The following CEP290 variants were observed in gnomAD, a reference collection of about 807,000 sequenced individuals.
CEP290 encodes the protein centrosomal protein 290.
In CEP290, 317 loss-of-function variants were observed where a neutral mutation model predicts 344.9. That is an observed-to-expected ratio of 0.92 (90% CI 0.84 to 1.01). CEP290 has a LOEUF of 1.01. CEP290 is among the 50% of genes least tolerant of loss of function. The pLI is 0.00. For missense variants in CEP290, 2,754 were observed against 2,761.4 expected (o/e 1.00, Z 0.06); for synonymous variants, 932 against 895.8 (o/e 1.04, Z -0.72).
chr12:88,106,594 G>A (rs1396938902), intron 25 of CEP290, 81 bp downstream of exon 25: 3 of 791,566 alleles, frequency 3.8e-6, no homozygotes, highest in Non-Finnish European at 5.9e-6. Context: ...TTCAGGTGAT[G>A]AGCATTATTG....
chr12:88,102,821 G>A lies in CEP290; in HGVS notation c.2991+17C>T, dbSNP rs551791639. 49 of 1,602,900 alleles carry A rather than the reference G, an allele frequency of 3.1e-5. No individual in the cohort carries two copies. The highest frequency in any genetic ancestry group is 4.0e-5 in the Non-Finnish European group (47 of 1,175,826). On this transcript the variant is annotated intron_variant, in intron 26 of 53. Coordinates refer to ENST00000552810, the MANE Select transcript of CEP290 (RefSeq NM_025114.4). Reference sequence around the variant, plus strand: ...AAATGGCTAATTTCACAAGGTTCAAGAATCACACAAACTTACCTCCAGGTG... The same window carrying A: ...AAATGGCTAATTTCACAAGGTTCAAAAATCACACAAACTTACCTCCAGGTG...
At position 88,124,554 on chromosome 12, in the gene CEP290, C is replaced by T. The variant is rs752005405; in HGVS notation, c.1189+692G>A. On this transcript the variant is annotated intron_variant, in intron 13 of 53. Transcript: ENST00000552810. Reference sequence around the variant, plus strand: ...ATACAAATATATATATATACACACACACATATGACATGTATATATATGTGT... The same window carrying T: ...ATACAAATATATATATATACACACATACATATGACATGTATATATATGTGT... 3.9e-5 allele frequency among the ~76,000 whole-genome samples: 6 copies of T among 152,054 alleles called. No individual in the cohort carries two copies. The Middle Eastern group carries it at 0.01, about 259-fold the overall frequency.
chr12:88,141,201 A>G lies in CEP290; in HGVS notation c.102+5T>C. On this transcript the variant is annotated splice_donor_5th_base_variant and intron_variant, in intron 2 of 53. Coordinates refer to ENST00000552810, the MANE Select transcript of CEP290 (RefSeq NM_025114.4). ...TATATCTATTATTATTGACCAATTAAGCACCTTGGATAAGGAAATCAATAA... is the reference window on the plus strand; with the variant it reads ...TATATCTATTATTATTGACCAATTAGGCACCTTGGATAAGGAAATCAATAA... 1 of 1,597,760 alleles carries G rather than the reference A, an allele frequency of 6.3e-7. No homozygotes were observed.
Position 88,087,867 on chromosome 12 carries a change from T to A in CEP290, c.4107A>T (p.Lys1369Asn). The A allele has an allele frequency of 8.0e-7, 1 of 1,254,260 alleles. No individual in the cohort carries two copies. Among genetic ancestry groups the A allele is most frequent in the Admixed American group, 4.0e-5 (1 of 25,088 alleles). The allele number at this position is 1,254,260 out of a possible 1,614,324, so 77.7% of individuals were successfully genotyped here. A position where few individuals can be genotyped will look rare whatever the true frequency, so the allele number is the denominator to read the frequency against. Residue 1369 changes from lysine (K) to asparagine (N), a missense_variant, in exon 32 of 54, where the codon AAA (lysine) becomes AAT (asparagine). Transcript: ENST00000552810. Reference protein sequence around the residue: ...LKLNRELVKDKEEIKYLNNII... With the variant: ...LKLNRELVKDNEEIKYLNNII... ...TGTTATTCAAATATTTTATTTCTTC[T>A]TTATCCTTGACTAATTCCCGATTTA...
intron 13 of CEP290, among the ~76,000 whole-genome samples, chr12:88,122,728 C>T (rs1289363682): frequency 6.6e-5 from 10 of 152,082 alleles, no homozygotes; most frequent in Admixed American, 6.6e-4. Flanking sequence ...TATTAGTCAT[C>T]CTTTTAAAGC....
At chr12:88,071,531 A>G in intron 42 of CEP290, 82 bp from the exon 43 acceptor site, 1 of 1,184,514 alleles carries the variant, frequency 8.4e-7, no homozygotes, top group South Asian at 1.5e-5. Flanking sequence ...AAACCAAATT[A>G]CAATAATTGT....
At chr12:88,097,454 A>C (rs1218475194) in intron 26 of CEP290, among the ~76,000 whole-genome samples, 1 of 151,950 alleles carries the variant, frequency 6.6e-6, no homozygotes, top group Non-Finnish European at 1.5e-5. Context: ...TTCTGCCATA[A>C]CTGTTAAGTT....
chr12:88,049,195 G>A lies in CEP290; in HGVS notation c.7429C>T (p.Pro2477Ser), dbSNP rs2033224845. 1 of 1,586,010 alleles carries A rather than the reference G, an allele frequency of 6.3e-7. No homozygotes were observed. The highest frequency in any genetic ancestry group is 1.2e-5 in the South Asian group (1 of 84,920). Residue 2477 changes from proline (P) to serine (S), a missense_variant, in exon 54 of 54, where the codon CCC (proline) becomes TCC (serine). Transcript: ENST00000552810. Reference protein sequence around the residue: ...EDEEESPVNFPIY With the variant: ...EDEEESPVNFSIY Reference sequence around the variant, plus strand: ...TTTATAGGTGACCTTTAGTAAATGGGGAAATTAACAGGACTTTCTTCTTCA... The same window carrying A: ...TTTATAGGTGACCTTTAGTAAATGGAGAAATTAACAGGACTTTCTTCTTCA...
chr12:88,073,961 C>T (rs1255300039), intron 41 of CEP290, among the ~76,000 whole-genome samples: 2 of 152,092 alleles, frequency 1.3e-5, no homozygotes, highest in Non-Finnish European at 2.9e-5. Flanking sequence ...TGTGGTGGCT[C>T]ATACCTGTAA....
chr12:88,132,099 C>T (rs982036629), intron 6 of CEP290, among the ~76,000 whole-genome samples: 1 of 152,144 alleles, frequency 6.6e-6, no homozygotes, highest in Non-Finnish European at 1.5e-5. Flanking sequence ...GAAAAATGAT[C>T]AGTGAATAGA....
chr12:88,086,009 A>G, intron 34 of CEP290, 30 bp downstream of exon 34: 1 of 1,583,212 alleles, frequency 6.3e-7, no homozygotes, highest in Non-Finnish European at 8.6e-7. Flanking sequence ...CAAATAATAC[A>G]CTAATCAAAA....
intron 38 of CEP290, among the ~76,000 whole-genome samples, 200 bp from the exon 39 acceptor site, chr12:88,079,429 C>A (rs2036027828): frequency 6.6e-6 from 1 of 152,090 alleles, no homozygotes; most frequent in South Asian, 2.1e-4. Context: ...ATTCTTTCCA[C>A]ATTGAATGTG....
chr12:88,077,358 T>C lies in CEP290; in HGVS notation c.5587-14A>G. ...CAGGGGTTTGCCCTAAAAAATAAAA[T>C]GTAACTTTATATTTTTACAAATAAA... On this transcript the variant is annotated splice_polypyrimidine_tract_variant and intron_variant, in intron 40 of 53. Coordinates refer to ENST00000552810, the MANE Select transcript of CEP290 (RefSeq NM_025114.4). The C allele has an allele frequency of 7.1e-7, 1 of 1,417,448 alleles. No individual in the cohort carries two copies. The highest frequency in any genetic ancestry group is 1.4e-5 in the South Asian group (1 of 71,348). 87.8% of individuals were successfully genotyped at this position (1,417,448 alleles called of 1,614,324 possible). A position where few individuals can be genotyped will look rare whatever the true frequency, so the allele number is the denominator to read the frequency against.
At chr12:88,129,112 C>T (rs754053793) in intron 10 of CEP290, 77 bp from the exon 11 acceptor site, 20 of 666,056 alleles carry the variant, frequency 3.0e-5, no homozygotes, top group Admixed American at 4.0e-5. Flanking sequence ...TTTACATATA[C>T]ATTATATATA....
At position 88,064,101 on chromosome 12, in the gene CEP290, C is replaced by T. The variant is rs1175295227; in HGVS notation, c.6150G>A (p.Glu2050=). 14 of 1,564,794 alleles carry T rather than the reference C, an allele frequency of 8.9e-6. No homozygotes were observed. In the South Asian group the frequency reaches 1.3e-4, roughly 15 times the overall value. Residue 2050 remains glutamate (E), a synonymous_variant, in exon 45 of 54, where the codon GAG becomes GAA. Transcript: ENST00000552810. ...TYSKPSISGI[E]SDDHCQREQE... is the part of the protein sequence containing the mutation. ...GTTCTCTCTGACAATGATCATCTGACTCTATTCCTGAAATCTTCAGGGAAA... is the reference window on the plus strand; with the variant it reads ...GTTCTCTCTGACAATGATCATCTGATTCTATTCCTGAAATCTTCAGGGAAA...
intron 18 of CEP290, among the ~76,000 whole-genome samples, chr12:88,116,750 G>A (rs566729072): frequency 4.4e-4 from 67 of 152,090 alleles, no homozygotes; most frequent in Non-Finnish European, 6.6e-4. Flanking sequence ...CGAGGCGGGC[G>A]GATCACGAGG....
intron 38 of CEP290, 83 bp from the exon 39 acceptor site, chr12:88,079,312 G>A: frequency 9.5e-7 from 1 of 1,048,852 alleles, no homozygotes; most frequent in Non-Finnish European, 1.3e-6. Context: ...AAATAAACAA[G>A]CTTTATTACT....
In CEP290 at chr12:88,084,748, T is replaced by C. The variant is rs765011862; in HGVS notation, c.4542A>G (p.Glu1514=). The C allele has an allele frequency of 1.2e-6, 2 of 1,613,756 alleles. No homozygotes were observed. The highest frequency in any genetic ancestry group is 8.5e-7 in the Non-Finnish European group (1 of 1,179,726). The change falls in exon 35 of 54, where the codon GAA becomes GAG. Residue 1514 remains glutamate (E), a synonymous_variant. Coordinates refer to ENST00000552810, the MANE Select transcript of CEP290 (RefSeq NM_025114.4). ...ELRLRLPATA[E]REKLIAELGR... ...CTAGCTCAGCTATGAGCTTTTCTCTTTCTGCAGTGGCAGGCAATCGAAGCC... is the reference window on the plus strand; with the variant it reads ...CTAGCTCAGCTATGAGCTTTTCTCTCTCTGCAGTGGCAGGCAATCGAAGCC...
chr12:88,055,381 A>C (rs140709735), intron 50 of CEP290, among the ~76,000 whole-genome samples, 195 bp downstream of exon 50: 1 of 152,320 alleles, frequency 6.6e-6, no homozygotes, highest in African/African-American at 2.4e-5. Flanking sequence ...TTAATGATAG[A>C]AAATGTGGAG....
Sources: gnomAD v4.1 joint callset for allele counts (sites outside exome capture counted in the v4.1 genomes callset) on GRCh38, gnomAD v4.1.1 for gene constraint, MANE v1.5 for transcripts, NCBI Gene and HGNC (gene_info 2026-07-23, HGNC 2026-07-21) for gene names.